Variants in LSAMP observed in about 807,000 individuals in gnomAD.
LSAMP encodes limbic system-associated membrane protein.
A neutral mutation model predicts 38.6 loss-of-function variants in LSAMP; 7 were observed. The ratio of observed to expected loss-of-function variants is 0.18; its 90% CI spans 0.10 to 0.34. The LOEUF (loss-of-function observed/expected upper bound fraction) is 0.34. LSAMP is among the 10% of genes least tolerant of loss of function. The pLI is 1.00. For synonymous variants in LSAMP, 154 were observed against 166.8 expected (o/e 0.92, Z 0.59); for missense variants, 313 against 420.0 (o/e 0.75, Z 2.23).
intron 1 of LSAMP, among the ~76,000 whole-genome samples, chr3:116,265,566 A>G (rs1339945415): frequency 6.6e-6 from 1 of 152,144 alleles, no homozygotes; most frequent in Non-Finnish European, 1.5e-5. Flanking sequence ...TCGTTCCAGG[A>G]TGATGAAGTT....
intron 1 of LSAMP, among the ~76,000 whole-genome samples, chr3:116,139,359 C>T (rs1291856707): frequency 1.3e-5 from 2 of 151,894 alleles, no homozygotes; most frequent in African/African-American, 2.4e-5. Context: ...CATGAATCTC[C>T]ACCAATTAGA....
chr3:116,041,619 G>A (rs1197230627), intron 2 of LSAMP, among the ~76,000 whole-genome samples: 1 of 151,520 alleles, frequency 6.6e-6, no homozygotes, highest in Non-Finnish European at 1.5e-5. Context: ...CATTGATCGT[G>A]CCATAGAGAT....
chr3:116,111,896 A>G (rs1341461180), intron 1 of LSAMP, among the ~76,000 whole-genome samples: 1 of 152,240 alleles, frequency 6.6e-6, no homozygotes, highest in Non-Finnish European at 1.5e-5. Context: ...GACCCTAGCC[A>G]CAAGGTGGAG....
intron 1 of LSAMP, among the ~76,000 whole-genome samples, chr3:116,281,712 AG>A (rs2047129731): frequency 6.6e-6 from 1 of 152,240 alleles, no homozygotes; most frequent in African/African-American, 2.4e-5. Flanking sequence ...TTAAATCAAA[AG>A]CCATTAGTTA....
At chr3:116,144,857 T>G (rs776198178) in intron 1 of LSAMP, among the ~76,000 whole-genome samples, 1 of 151,950 alleles carries the variant, frequency 6.6e-6, no homozygotes, top group African/African-American at 2.4e-5. Flanking sequence ...TCTATATCTA[T>G]TCACATACAA....
chr3:116,018,917 C>A (rs1348216584), intron 3 of LSAMP, among the ~76,000 whole-genome samples: 1 of 152,098 alleles, frequency 6.6e-6, no homozygotes, highest in Non-Finnish European at 1.5e-5. Context: ...TGCACAGAAC[C>A]AGATGCCAAG....
intron 2 of LSAMP, among the ~76,000 whole-genome samples, chr3:116,043,511 AAAAGCAGCATCAC>A (rs1351252685): frequency 6.6e-6 from 1 of 152,224 alleles, no homozygotes; most frequent in African/African-American, 2.4e-5. Flanking sequence ...TCCTGGGCAT[AAAAGCAGCATCAC>A]AGTGTGAAAT....
At position 116,158,728 on chromosome 3, in the gene LSAMP, T is replaced by G. The variant is rs76968016; in HGVS notation, c.156-72172A>C. Among the ~76,000 whole-genome samples the G allele has an allele frequency of 1.9e-3, 293 of 152,254 alleles. 1 individual carries two copies. Among genetic ancestry groups the G allele is most frequent in the African/African-American group, 6.6e-3 (276 of 41,564 alleles). On this transcript the variant is annotated intron_variant, in intron 1 of 6. Transcript: ENST00000490035. ...CACAAACATATGGAAAAACATTTCA[T>G]GCTTATCAAGAGGAAGAATCAATAT...
intron 3 of LSAMP, among the ~76,000 whole-genome samples, chr3:115,887,966 G>C (rs1936498660): frequency 6.6e-6 from 1 of 151,874 alleles, no homozygotes; most frequent in African/African-American, 2.4e-5. Context: ...GGCAGTAAAG[G>C]AGGTCAGATC....
intron 1 of LSAMP, among the ~76,000 whole-genome samples, chr3:116,396,953 C>T (rs1256991605): frequency 1.3e-5 from 2 of 152,144 alleles, no homozygotes; most frequent in African/African-American, 4.8e-5. Context: ...AAAATACGAT[C>T]AATTCTTCCT....
intron 6 of LSAMP, among the ~76,000 whole-genome samples, chr3:115,817,327 T>C (rs539518856): frequency 6.6e-6 from 1 of 152,322 alleles, no homozygotes; most frequent in African/African-American, 2.4e-5. Context: ...TTTTTGCCTA[T>C]TTATAGTTTC....
chr3:116,132,699 C>T (rs1405905032), intron 1 of LSAMP, among the ~76,000 whole-genome samples: 1 of 152,148 alleles, frequency 6.6e-6, no homozygotes, highest in Non-Finnish European at 1.5e-5. Flanking sequence ...TCTTACATCT[C>T]ATAATAATTT....
At chr3:115,872,670 A>G (rs1936076055) in intron 3 of LSAMP, among the ~76,000 whole-genome samples, 1 of 152,322 alleles carries the variant, frequency 6.6e-6, no homozygotes, top group East Asian at 1.9e-4. Flanking sequence ...GTATTTATTT[A>G]GTGAAAACTA....
At chr3:116,063,889 T>A (rs1211741532) in intron 2 of LSAMP, among the ~76,000 whole-genome samples, 1 of 152,218 alleles carries the variant, frequency 6.6e-6, no homozygotes, top group African/African-American at 2.4e-5. Flanking sequence ...CCAGTTTCCT[T>A]CCAACATCTA....
At chr3:116,255,848 T>C (rs995423036) in intron 1 of LSAMP, among the ~76,000 whole-genome samples, 11 of 152,194 alleles carry the variant, frequency 7.2e-5, no homozygotes, top group Non-Finnish European at 1.0e-4. Flanking sequence ...TACTAACCTA[T>C]GCTAGAGGCA....
intron 1 of LSAMP, among the ~76,000 whole-genome samples, chr3:116,121,514 T>C (rs1438969133): frequency 6.6e-6 from 1 of 152,200 alleles, no homozygotes; most frequent in Non-Finnish European, 1.5e-5. Context: ...TGTATTTCAT[T>C]CTCCCCCAAG....
chr3:116,065,591 T>C (rs1707408819), intron 2 of LSAMP, among the ~76,000 whole-genome samples: 1 of 152,202 alleles, frequency 6.6e-6, no homozygotes, highest in Admixed American at 6.6e-5. Flanking sequence ...AGATCTTAAA[T>C]TATAAAATAG....
chr3:115,961,250 C>A (rs1184350860), intron 3 of LSAMP, among the ~76,000 whole-genome samples: 1 of 152,176 alleles, frequency 6.6e-6, no homozygotes, highest in African/African-American at 2.4e-5. Flanking sequence ...GTTTTCCAGC[C>A]TCCTAAAGTC....
At chr3:116,220,077 G>A (rs1210207450) in intron 1 of LSAMP, among the ~76,000 whole-genome samples, 1 of 152,078 alleles carries the variant, frequency 6.6e-6, no homozygotes, top group Non-Finnish European at 1.5e-5. Flanking sequence ...GGAGCTACTT[G>A]TGAGGCTGAG....
Sources: gnomAD v4.1 joint callset for allele counts (sites outside exome capture counted in the v4.1 genomes callset) on GRCh38, gnomAD v4.1.1 for gene constraint, MANE v1.5 for transcripts, NCBI Gene and HGNC (gene_info 2026-07-23, HGNC 2026-07-21) for gene names.